Variants in ADAMTS12 observed in about 807,000 individuals in gnomAD.
The protein encoded by ADAMTS12 is ADAM metallopeptidase with thrombospondin type 1 motif 12.
Under a neutral mutation model 167.8 loss-of-function variants are expected in ADAMTS12, and 118 were observed. The ratio of observed to expected loss-of-function variants is 0.70; its 90% CI spans 0.61 to 0.82. The LOEUF (loss-of-function observed/expected upper bound fraction) is 0.82, where lower values mean the gene tolerates loss of function less well. Ranked by LOEUF, ADAMTS12 falls within the 40% of genes least tolerant of loss-of-function variation. The pLI is 0.00. For missense variants in ADAMTS12, 1,916 were observed against 1,998.8 expected (o/e 0.96, Z 0.79); for synonymous variants, 704 against 716.9 (o/e 0.98, Z 0.29).
intron 7 of ADAMTS12, among the ~76,000 whole-genome samples, chr5:33,655,187 G>T (rs1247272200): frequency 1.3e-5 from 2 of 152,072 alleles, no homozygotes; most frequent in Non-Finnish European, 2.9e-5. Context: ...GTAAGTTATT[G>T]GTAACAGATG....
At chr5:33,835,906 C>CTCTCTCT (rs1748487733) in intron 2 of ADAMTS12, among the ~76,000 whole-genome samples, 1 of 113,298 alleles carries the variant, frequency 8.8e-6, no homozygotes, top group African/African-American at 4.4e-5. Flanking sequence ...GGATAATATC[C>CTCTCTCT]ATCTCTCTCT....
At chr5:33,845,063 C>T (rs1031204776) in intron 2 of ADAMTS12, among the ~76,000 whole-genome samples, 2 of 152,114 alleles carry the variant, frequency 1.3e-5, no homozygotes, top group African/African-American at 4.8e-5. Flanking sequence ...TTAGTGTAAA[C>T]CCATAATTTT....
At chr5:33,575,950 A>G (rs1423445876) in intron 19 of ADAMTS12, 104 bp downstream of exon 19, 48 of 1,472,304 alleles carry the variant, frequency 3.3e-5, no homozygotes, top group Non-Finnish European at 4.2e-5. Flanking sequence ...TGTTTTCACA[A>G]TAGAATATAT....
intron 3 of ADAMTS12, among the ~76,000 whole-genome samples, chr5:33,748,573 A>C (rs1171962175): frequency 6.6e-6 from 1 of 152,210 alleles, no homozygotes; most frequent in Non-Finnish European, 1.5e-5. Flanking sequence ...AGATTTTAGG[A>C]GAAATGAATT....
intron 5 of ADAMTS12, among the ~76,000 whole-genome samples, chr5:33,675,148 A>G (rs774015429): frequency 6.6e-6 from 1 of 152,180 alleles, no homozygotes; most frequent in Non-Finnish European, 1.5e-5. Context: ...TGTTCTTTAT[A>G]AGTGACCTAG....
chr5:33,619,153 A>T (rs771539094), intron 14 of ADAMTS12, among the ~76,000 whole-genome samples: 17 of 152,192 alleles, frequency 1.1e-4, no homozygotes, highest in Non-Finnish European at 2.4e-4. Context: ...GTACTTCCTG[A>T]CTTTATGGAC....
chr5:33,593,000 G>A (rs1747723839), intron 17 of ADAMTS12, among the ~76,000 whole-genome samples: 1 of 152,206 alleles, frequency 6.6e-6, no homozygotes, highest in African/African-American at 2.4e-5. Context: ...CAAATCGCCA[G>A]GCACATGGGC....
chr5:33,661,677 C>A (rs149957591), intron 6 of ADAMTS12, among the ~76,000 whole-genome samples: 1 of 152,156 alleles, frequency 6.6e-6, no homozygotes, highest in Non-Finnish European at 1.5e-5. Flanking sequence ...AGTAAAGAGG[C>A]CTGCATTTTG....
chr5:33,649,532 G>A (rs4242082), intron 8 of ADAMTS12, 22 bp downstream of exon 8: 986,179 of 1,609,558 alleles, frequency 0.61, 304,935 homozygotes, highest in East Asian at 0.65. Context: ...AGGTGAGGGC[G>A]TCATGAGACA....
intron 2 of ADAMTS12, among the ~76,000 whole-genome samples, chr5:33,754,543 A>G (rs1299139089): frequency 6.6e-6 from 1 of 152,220 alleles, no homozygotes; most frequent in Non-Finnish European, 1.5e-5. Context: ...ACTTGTTTTA[A>G]CTAAGTTAAA....
At chr5:33,572,196 T>G (rs1030044722) in intron 19 of ADAMTS12, among the ~76,000 whole-genome samples, 1 of 152,128 alleles carries the variant, frequency 6.6e-6, no homozygotes, top group Non-Finnish European at 1.5e-5. Flanking sequence ...CCATTCCTTC[T>G]GAAACTATTC....
intron 18 of ADAMTS12, among the ~76,000 whole-genome samples, chr5:33,584,631 G>A (rs941694289): frequency 1.3e-5 from 2 of 152,146 alleles, no homozygotes; most frequent in Non-Finnish European, 2.9e-5. Context: ...TTTTTACCAG[G>A]CACTACGCTA....
chr5:33,655,550 AT>A (rs1741022386), intron 7 of ADAMTS12, among the ~76,000 whole-genome samples: 1 of 147,224 alleles, frequency 6.8e-6, no homozygotes, highest in African/African-American at 2.5e-5. Context: ...CCCTACTGGT[AT>A]TTCCTTTACC....
chr5:33,771,400 A>G (rs1276113437), intron 2 of ADAMTS12, among the ~76,000 whole-genome samples: 1 of 152,212 alleles, frequency 6.6e-6, no homozygotes, highest in Non-Finnish European at 1.5e-5. Flanking sequence ...TCAAAAAGTC[A>G]AAGAAAAATG....
intron 16 of ADAMTS12, among the ~76,000 whole-genome samples, chr5:33,601,985 A>T (rs1201312606): frequency 1.4e-5 from 2 of 147,724 alleles, no homozygotes; most frequent in East Asian, 4.0e-4. Context: ...CCTGATTATG[A>T]CTCCCTTTCT....
intron 4 of ADAMTS12, among the ~76,000 whole-genome samples, chr5:33,683,427 T>G (rs1742203301): frequency 6.6e-6 from 1 of 152,240 alleles, no homozygotes; most frequent in Admixed American, 6.5e-5. Context: ...AACATCTTCT[T>G]GAAGGCAGAA....
intron 18 of ADAMTS12, among the ~76,000 whole-genome samples, chr5:33,577,478 G>C (rs1746819406): frequency 6.6e-6 from 1 of 152,172 alleles, no homozygotes; most frequent in Non-Finnish European, 1.5e-5. Flanking sequence ...TACACAAGTT[G>C]CTAAATCTTT....
intron 2 of ADAMTS12, among the ~76,000 whole-genome samples, chr5:33,760,898 T>C (rs1022929712): frequency 6.6e-6 from 1 of 151,174 alleles, no homozygotes; most frequent in Non-Finnish European, 1.5e-5. Context: ...TGTGTGTGTG[T>C]GTGTGTGTGT....
At chr5:33,723,777 T>G (rs1055946219) in intron 3 of ADAMTS12, among the ~76,000 whole-genome samples, 1 of 152,152 alleles carries the variant, frequency 6.6e-6, no homozygotes, top group African/African-American at 2.4e-5. Flanking sequence ...TTGGGGCCAA[T>G]GACCTGTGCA....
Sources: gnomAD v4.1 joint callset for allele counts (sites outside exome capture counted in the v4.1 genomes callset) on GRCh38, gnomAD v4.1.1 for gene constraint, MANE v1.5 for transcripts, NCBI Gene and HGNC (gene_info 2026-07-23, HGNC 2026-07-21) for gene names.